Variants in GPHN observed in about 807,000 individuals in gnomAD.
GPHN encodes gephyrin.
In GPHN, 17 loss-of-function variants were observed where a neutral mutation model predicts 95.5. The observed-to-expected ratio is 0.18, with a 90% CI of 0.12 to 0.27. The LOEUF is 0.27. Among genes scored for constraint, GPHN ranks in the 10% least tolerant of loss-of-function variants. GPHN has a pLI of 1.00. For missense variants in GPHN, 660 were observed against 978.1 expected (o/e 0.67, Z 4.34); for synonymous variants, 320 against 322.5 (o/e 0.99, Z 0.08).
chr14:66,842,359 G>A (rs1373556747), intron 4 of GPHN, among the ~76,000 whole-genome samples: 8 of 151,684 alleles, frequency 5.3e-5, no homozygotes, highest in African/African-American at 1.7e-4. Flanking sequence ...TTAGAAACCC[G>A]ACCTACACAG....
the GPHN span, chr14:67,577,502 A>C: frequency 1.2e-6 from 1 of 826,342 alleles, no homozygotes. Flanking sequence ...CAACCCACAG[A>C]GGGATCTGGA....
chr14:66,821,436 A>G (rs551178733), intron 3 of GPHN, among the ~76,000 whole-genome samples: 1 of 152,308 alleles, frequency 6.6e-6, no homozygotes, highest in East Asian at 1.9e-4. Flanking sequence ...CAGTTCTCAG[A>G]TCATACTTTT....
At chr14:67,080,596 T>TC (rs1426875768) in intron 11 of GPHN, among the ~76,000 whole-genome samples, 1 of 152,138 alleles carries the variant, frequency 6.6e-6, no homozygotes, top group Non-Finnish European at 1.5e-5. Flanking sequence ...GTTGTTTTTT[T>TC]CACTGTCTTC....
chr14:67,405,674 G>A, the GPHN span, among the ~76,000 whole-genome samples: 1 of 152,100 alleles, frequency 6.6e-6, no homozygotes, highest in Non-Finnish European at 1.5e-5. Flanking sequence ...CTTCTTATTG[G>A]CATTCTCTCT....
At chr14:67,231,228 A>G in the GPHN span, among the ~76,000 whole-genome samples, 2 of 152,232 alleles carry the variant, frequency 1.3e-5, no homozygotes, top group African/African-American at 4.8e-5. Context: ...CTAATTTATA[A>G]AGACAAATCA....
At chr14:66,778,902 AT>A (rs921401184) in intron 3 of GPHN, among the ~76,000 whole-genome samples, 1 of 148,822 alleles carries the variant, frequency 6.7e-6, no homozygotes, top group Non-Finnish European at 1.5e-5. Context: ...CACCCAGCTA[AT>A]TTTTTTTTTA....
chr14:67,512,795 C>T, the GPHN span, among the ~76,000 whole-genome samples: 1 of 152,222 alleles, frequency 6.6e-6, no homozygotes, highest in South Asian at 2.1e-4. Context: ...AAAAGCCCAC[C>T]AGGAAGGAGC....
intron 5 of GPHN, among the ~76,000 whole-genome samples, chr14:66,897,823 G>T (rs1247373187): frequency 6.6e-6 from 1 of 152,030 alleles, no homozygotes. Flanking sequence ...GCAGTTGCAG[G>T]TTTTCTGTTT....
At chr14:66,703,545 A>G (rs886868603) in intron 2 of GPHN, among the ~76,000 whole-genome samples, 1 of 152,196 alleles carries the variant, frequency 6.6e-6, no homozygotes, top group Non-Finnish European at 1.5e-5. Context: ...AGCCAAACTA[A>G]ACTTCATAAG....
At chr14:67,350,065 T>G in the GPHN span, among the ~76,000 whole-genome samples, 5 of 152,234 alleles carry the variant, frequency 3.3e-5, no homozygotes, top group Non-Finnish European at 7.3e-5. Context: ...ATTTGGAGAA[T>G]TACATAACAT....
chr14:67,394,763 AG>A, the GPHN span, among the ~76,000 whole-genome samples: 3 of 152,214 alleles, frequency 2.0e-5, no homozygotes, highest in Non-Finnish European at 4.4e-5. Flanking sequence ...TGCCTTTAAG[AG>A]GTGATTGGGT....
the GPHN span, among the ~76,000 whole-genome samples, chr14:67,461,763 C>G: frequency 6.6e-6 from 1 of 152,358 alleles, no homozygotes; most frequent in African/African-American, 2.4e-5. Flanking sequence ...AAGGTGCCAT[C>G]TGGTCCTGCT....
chr14:67,340,704 C>T, the GPHN span, among the ~76,000 whole-genome samples: 1 of 152,202 alleles, frequency 6.6e-6, no homozygotes, highest in South Asian at 2.1e-4. Context: ...CCTCTCCCCA[C>T]GGTCTCCCTC....
chr14:67,174,615 C>G (rs554953283), intron 21 of GPHN, among the ~76,000 whole-genome samples: 1 of 152,170 alleles, frequency 6.6e-6, no homozygotes, highest in Non-Finnish European at 1.5e-5. Context: ...ATGGCTGGGT[C>G]AAATGGTATT....
chr14:67,409,938 G>A, the GPHN span, among the ~76,000 whole-genome samples: 4 of 152,204 alleles, frequency 2.6e-5, no homozygotes, highest in South Asian at 4.2e-4. Flanking sequence ...AGGGTTCTGG[G>A]GCCCTATCCT....
At chr14:66,625,551 T>G (rs141174577) in intron 1 of GPHN, among the ~76,000 whole-genome samples, 2 of 152,292 alleles carry the variant, frequency 1.3e-5, no homozygotes, top group East Asian at 3.9e-4. Context: ...TCTTGGTAGT[T>G]TCTTTTCCCT....
the GPHN span, chr14:67,587,054 C>T: frequency 8.3e-6 from 13 of 1,565,506 alleles, no homozygotes; most frequent in East Asian, 3.0e-4. Context: ...AATTCCTTCA[C>T]ATCTCTGACC....
At chr14:67,461,403 G>A in the GPHN span, among the ~76,000 whole-genome samples, 1 of 152,170 alleles carries the variant, frequency 6.6e-6, no homozygotes, top group Non-Finnish European at 1.5e-5. Context: ...GGGCAATCAG[G>A]AAGTTCCCAG....
At chr14:67,148,366 A>C (rs2081026433) in intron 18 of GPHN, among the ~76,000 whole-genome samples, 1 of 152,262 alleles carries the variant, frequency 6.6e-6, no homozygotes, top group Admixed American at 6.5e-5. Flanking sequence ...CTTCACTTCA[A>C]ACACAGTTAC....
Sources: allele counts gnomAD v4.1 joint callset (sites outside exome capture counted in the v4.1 genomes callset), GRCh38; gene constraint gnomAD v4.1.1; transcripts MANE v1.5; gene names NCBI Gene and HGNC (gene_info 2026-07-23, HGNC 2026-07-21).